Variants in PRKCH observed in about 807,000 individuals in gnomAD.
PRKCH encodes protein kinase C eta type.
In PRKCH, 28 loss-of-function variants were observed where a neutral mutation model predicts 82.5. The observed-to-expected ratio is 0.34, with a 90% CI of 0.25 to 0.47. The LOEUF (loss-of-function observed/expected upper bound fraction) is 0.47, where lower values mean the gene tolerates loss of function less well. Ranked by LOEUF, PRKCH falls within the 20% of genes least tolerant of loss-of-function variation. The pLI, the probability that PRKCH is intolerant of heterozygous loss-of-function variation, is 1.00. For missense variants in PRKCH, 705 were observed against 881.8 expected (o/e 0.80, Z 2.54); for synonymous variants, 322 against 327.4 (o/e 0.98, Z 0.18).
chr14:61,436,974 C>T (rs2140268730), intron 2 of PRKCH, among the ~76,000 whole-genome samples: 1 of 152,328 alleles, frequency 6.6e-6, no homozygotes, highest in East Asian at 1.9e-4. Context: ...GGAAGTCTTC[C>T]TTAATTAGTT....
intron 1 of PRKCH, among the ~76,000 whole-genome samples, chr14:61,290,469 A>C (rs1378383178): frequency 1.3e-5 from 2 of 152,114 alleles, no homozygotes; most frequent in African/African-American, 4.8e-5. Context: ...CGGTCAAGGC[A>C]CAATTCAGAG....
intron 2 of PRKCH, 34 bp downstream of exon 2, chr14:61,391,322 A>G (rs1331423911): frequency 9.1e-6 from 14 of 1,542,010 alleles, no homozygotes; most frequent in Non-Finnish European, 1.2e-5. Flanking sequence ...TCCAGAATAC[A>G]TGTAATCTTG....
At chr14:61,236,279 G>A (rs931922818) in intron 1 of PRKCH, among the ~76,000 whole-genome samples, 7 of 152,106 alleles carry the variant, frequency 4.6e-5, no homozygotes, top group African/African-American at 1.7e-4. Flanking sequence ...TCTTAAATAG[G>A]AGATAGGTAA....
intron 12 of PRKCH, among the ~76,000 whole-genome samples, chr14:61,536,149 G>C (rs1263844168): frequency 6.6e-6 from 1 of 150,688 alleles, no homozygotes; most frequent in African/African-American, 2.4e-5. Context: ...ATCCAGTCTC[G>C]GGTTCCTGGC....
intron 2 of PRKCH, among the ~76,000 whole-genome samples, chr14:61,391,534 T>C (rs1337399175): frequency 6.6e-6 from 1 of 152,236 alleles, no homozygotes; most frequent in African/African-American, 2.4e-5. Context: ...AGTTTTTGTT[T>C]TTAGCCAGTG....
Position 61,432,069 on chromosome 14 carries a change from T to C in PRKCH, c.428-11042T>C, listed in dbSNP as rs199964750. Among the ~76,000 whole-genome samples the C allele has an allele frequency of 3.3e-3, 45 of 13,846 alleles. 1 individual carries two copies. In the South Asian group the frequency reaches 0.048, roughly 15 times the overall value. The allele number at this position is 13,846 out of a possible 152,430, so 9.1% of individuals were successfully genotyped here. Reference sequence around the variant, plus strand: ...TTTGGAAGATAGAATCTCTCTCTCTTTTTTTTTTTTTTTAAGTGATTATAC... The same window carrying C: ...TTTGGAAGATAGAATCTCTCTCTCTCTTTTTTTTTTTTTAAGTGATTATAC... On this transcript the variant is annotated intron_variant, in intron 2 of 13. Transcript: ENST00000332981.
rs551303287 is a variant in PRKCH, at chr14:61,287,463, C to T, written c.-19+99795C>T. Among the ~76,000 whole-genome samples the T allele has an allele frequency of 6.6e-5, 10 of 152,090 alleles. No individual in the cohort carries two copies. The South Asian group carries it at 1.2e-3, about 19-fold the overall frequency. ...CGGTAGCTCACGCCTGTAATCCCAG[C>T]GCTTTGAGAGGCCAAGGCAGGCAGA... On this transcript the variant is annotated intron_variant, in intron 1 of 3. Transcript: ENST00000555185.
intron 10 of PRKCH, among the ~76,000 whole-genome samples, chr14:61,518,447 A>AG (rs397758988): frequency 2.0e-5 from 3 of 150,394 alleles, no homozygotes; most frequent in Non-Finnish European, 4.4e-5. Flanking sequence ...AAAAAAAAAA[A>AG]GAAAAAGAAA....
chr14:61,513,690 C>T lies in PRKCH; in HGVS notation c.1434-15385C>T, dbSNP rs112295779. Among the ~76,000 whole-genome samples the T allele has an allele frequency of 4.6e-3, 695 of 152,114 alleles. 10 individuals are homozygous for T. Among genetic ancestry groups the T allele is most frequent in the African/African-American group, 0.016 (664 of 41,442 alleles). ...ACCACATTTTTATTATTAGATTCAG[C>T]GGACTTATATTGTCATGTAGTATGA... On this transcript the variant is annotated intron_variant, in intron 10 of 13. Coordinates refer to ENST00000332981, the MANE Select transcript of PRKCH (RefSeq NM_006255.5).
chr14:61,547,077 A>C (rs1315549988), intron 12 of PRKCH, among the ~76,000 whole-genome samples: 1 of 152,222 alleles, frequency 6.6e-6, no homozygotes, highest in Admixed American at 6.5e-5. Context: ...CTATGGAGCA[A>C]TGGAATCTCA....
At chr14:61,471,372 G>A (rs1038385421) in intron 9 of PRKCH, among the ~76,000 whole-genome samples, 7 of 152,184 alleles carry the variant, frequency 4.6e-5, no homozygotes, top group Non-Finnish European at 2.9e-5. Context: ...TTCTCTTCTG[G>A]AAGCTCATAG....
chr14:61,247,398 T>A (rs1038247908), intron 1 of PRKCH, among the ~76,000 whole-genome samples: 2 of 152,094 alleles, frequency 1.3e-5, no homozygotes, highest in African/African-American at 4.8e-5. Context: ...CAAGAAGTTT[T>A]GAAAACTGAT....
intron 1 of PRKCH, among the ~76,000 whole-genome samples, chr14:61,294,715 C>T (rs188142957): frequency 9.9e-5 from 15 of 151,984 alleles, no homozygotes; most frequent in Middle Eastern, 3.4e-3. Flanking sequence ...GAATATTATG[C>T]GTTTTTTATT....
intron 1 of PRKCH, among the ~76,000 whole-genome samples, chr14:61,379,356 A>G (rs1025350323): frequency 6.6e-6 from 1 of 152,216 alleles, no homozygotes; most frequent in African/African-American, 2.4e-5. Context: ...TGGGATAGAG[A>G]TATAGGCTTC....
In PRKCH at chr14:61,486,349, T is replaced by A. The variant is rs372245477; in HGVS notation, c.1433+693T>A. On this transcript the variant is annotated intron_variant, in intron 10 of 13. Coordinates refer to ENST00000332981, the MANE Select transcript of PRKCH (RefSeq NM_006255.5). ...AGTCAGGAGCTAGGTGAGCCACTTG[T>A]GAGCAGTGTCCTGCATGATAATATC... Among the ~76,000 whole-genome samples, 130 of 152,370 alleles carry A rather than the reference T, an allele frequency of 8.5e-4. 1 individual carries two copies. Among genetic ancestry groups the A allele is most frequent in the African/African-American group, 2.9e-3 (120 of 41,582 alleles).
At position 61,424,628 on chromosome 14, in the gene PRKCH, A is replaced by G. The variant is rs187919908; in HGVS notation, c.428-18483A>G. On this transcript the variant is annotated intron_variant, in intron 2 of 13. Coordinates refer to ENST00000332981, the MANE Select transcript of PRKCH (RefSeq NM_006255.5). ...GAGTATAGAAGTTTGGAAAATTTGC[A>G]GTCTGACAATGCAGTAGAAAAGAAA... Among the ~76,000 whole-genome samples, 53 of 152,380 alleles carry G rather than the reference A, an allele frequency of 3.5e-4. No individual in the cohort carries two copies. The East Asian group carries it at 8.7e-3, about 25-fold the overall frequency.
Position 61,321,659 on chromosome 14 carries a change from G to A in PRKCH, c.-443G>A, listed in dbSNP as rs1371224272. The A allele has an allele frequency of 1.3e-5, 2 of 153,654 alleles. No homozygotes were observed. The highest frequency in any genetic ancestry group is 2.9e-5 in the Non-Finnish European group (2 of 69,166). The allele number at this position is 153,654 out of a possible 1,614,324, so 9.5% of individuals were successfully genotyped here. Reference sequence around the variant, plus strand: ...TGCTTCCTGGTTTGAAGCTCGCCGAGTGGGGGAGAGCGTGAGCCTTCGGAG... The same window carrying A: ...TGCTTCCTGGTTTGAAGCTCGCCGAATGGGGGAGAGCGTGAGCCTTCGGAG... On this transcript the variant is annotated 5_prime_UTR_variant, in exon 1 of 14. In the 5' UTR this introduces an upstream ATG that the reference lacks. Coordinates refer to ENST00000332981, the MANE Select transcript of PRKCH (RefSeq NM_006255.5). The surrounding 1 kb of genome is among the most constrained non-coding windows in gnomAD (Gnocchi z 4.1).
intron 1 of PRKCH, among the ~76,000 whole-genome samples, chr14:61,380,264 G>A (rs114469239): frequency 0.011 from 1,635 of 149,900 alleles, 19 homozygotes; most frequent in African/African-American, 0.038. Flanking sequence ...CCTGTGTTGC[G>A]CAGACTAATC....
intron 7 of PRKCH, among the ~76,000 whole-genome samples, chr14:61,454,261 G>A (rs544846570): frequency 1.6e-4 from 24 of 151,890 alleles, no homozygotes; most frequent in Admixed American, 2.0e-4. Flanking sequence ...CCACTACCGC[G>A]CCTGGCTGAT....
Sources: gnomAD v4.1 joint callset for allele counts (sites outside exome capture counted in the v4.1 genomes callset) on GRCh38, gnomAD v4.1.1 for gene constraint, Gnocchi (gnomAD v3.1) non-coding constraint, MANE v1.5 for transcripts, NCBI Gene and HGNC (gene_info 2026-07-23, HGNC 2026-07-21) for gene names.